Variants in BBIP1 observed in about 807,000 individuals in gnomAD.
BBIP1 encodes BBSome interacting protein 1.
A neutral mutation model predicts 8.9 loss-of-function variants in BBIP1; 6 were observed. The ratio of observed to expected loss-of-function variants is 0.67; its 90% CI spans 0.37 to 1.33. The LOEUF is 1.33. Among genes scored for constraint, BBIP1 ranks in the 40% most tolerant of loss-of-function variants. The pLI is 0.02. For synonymous variants in BBIP1, 32 were observed against 33.4 expected (o/e 0.96, Z 0.14); for missense variants, 111 against 109.2 (o/e 1.02, Z -0.07).
chr10:110,912,771 G>A (rs1293409865), intron 2 of BBIP1, among the ~76,000 whole-genome samples: 14 of 152,006 alleles, frequency 9.2e-5, no homozygotes, highest in South Asian at 2.1e-4. Context: ...CCAAGGAGCC[G>A]TTCCATGGGT....
intron 2 of BBIP1, among the ~76,000 whole-genome samples, chr10:110,917,398 A>G (rs1846435519): frequency 6.6e-6 from 1 of 152,132 alleles, no homozygotes; most frequent in Non-Finnish European, 1.5e-5. Flanking sequence ...GCCTAACAAT[A>G]AGTGTCTGCA....
intron 2 of BBIP1, among the ~76,000 whole-genome samples, chr10:110,913,740 T>C (rs1347773554): frequency 1.3e-5 from 2 of 152,178 alleles, no homozygotes; most frequent in African/African-American, 2.4e-5. Context: ...GCAGTTGACA[T>C]ATGGCAAAAA....
intron 2 of BBIP1, chr10:110,902,554 A>C (rs573521666): frequency 6.6e-6 from 1 of 152,222 alleles, no homozygotes; most frequent in East Asian, 1.9e-4. Flanking sequence ...CAACCACTGC[A>C]AATTAATTAT....
At position 110,899,576 on chromosome 10, in the gene BBIP1, T is replaced by A. The variant is rs974284621; in HGVS notation, c.*784A>T. Reference sequence around the variant, plus strand: ...ACTTTGGGAGGCCGAGGTGGGCGGATCACTTGAGGTTGGGAGTTCATGACC... The same window carrying A: ...ACTTTGGGAGGCCGAGGTGGGCGGAACACTTGAGGTTGGGAGTTCATGACC... On this transcript the variant is annotated 3_prime_UTR_variant, in exon 4 of 4. Coordinates refer to ENST00000448814, the MANE Select transcript of BBIP1 (RefSeq NM_001195305.3). The A allele has an allele frequency of 1.3e-5, 2 of 152,284 alleles. No homozygotes were observed. Among genetic ancestry groups the A allele is most frequent in the Admixed American group, 6.5e-5 (1 of 15,278 alleles). 9.4% of individuals were successfully genotyped at this position (152,284 alleles called of 1,614,324 possible). A position where few individuals can be genotyped will look rare whatever the true frequency, so the allele number is the denominator to read the frequency against.
chr10:110,915,102 A>G (rs1846369197), intron 2 of BBIP1, among the ~76,000 whole-genome samples: 1 of 152,248 alleles, frequency 6.6e-6, no homozygotes, highest in Non-Finnish European at 1.5e-5. Flanking sequence ...ATTATTAAAA[A>G]TACAGATTTT....
At chr10:110,908,069 A>G (rs1846188548) in intron 2 of BBIP1, 1 of 276,128 alleles carries the variant, frequency 3.6e-6, no homozygotes, top group East Asian at 6.3e-5. Flanking sequence ...GTAAGATGCT[A>G]TATCTTAAGC....
intron 2 of BBIP1, among the ~76,000 whole-genome samples, chr10:110,914,041 C>A (rs1374216647): frequency 6.6e-6 from 1 of 152,212 alleles, no homozygotes. Context: ...TAAGCACATG[C>A]TCTGGAATTC....
chr10:110,903,363 T>A (rs2134021850), intron 2 of BBIP1: 1 of 152,382 alleles, frequency 6.6e-6, no homozygotes, highest in East Asian at 1.9e-4. Context: ...AAGCTGCCAT[T>A]GTTACTGTAA....
At chr10:110,918,260 A>G (rs2134053694) in intron 1 of BBIP1, 47 bp from the exon 2 acceptor site, 1 of 1,005,568 alleles carries the variant, frequency 9.9e-7, no homozygotes, top group Admixed American at 2.4e-5. Flanking sequence ...TATAAAAGCA[A>G]TACAGTATTT....
rs1845942096 is a variant in BBIP1 at position 110,899,848 on chromosome 10, C to G, written c.*512G>C. On this transcript the variant is annotated 3_prime_UTR_variant, in exon 4 of 4. Transcript: ENST00000448814. ...ACAGTTTTGTCATTACTGGTGGGAT[C>G]TGGTCACACAAGATAGCATTAAACG... The G allele has an allele frequency of 6.6e-6, 1 of 151,404 alleles. No individual in the cohort carries two copies. The highest frequency in any genetic ancestry group is 2.1e-4 in the South Asian group (1 of 4,814). 9.4% of individuals were successfully genotyped at this position (151,404 alleles called of 1,614,324 possible).
chr10:110,905,604 T>C (rs1185702091), intron 2 of BBIP1, among the ~76,000 whole-genome samples: 2 of 151,672 alleles, frequency 1.3e-5, no homozygotes, highest in African/African-American at 4.9e-5. Context: ...TGTGATTTAG[T>C]TGGATAACCA....
rs971560206 is a variant in BBIP1, at chr10:110,918,276, A to T, written c.-56-63T>A. ...ATAAAAGCAATACAGTATTTTCAAA[A>T]ATCTTCAACACGTTGTTTAAGAAAC... On this transcript the variant is annotated intron_variant, in intron 1 of 3. Coordinates refer to ENST00000448814, the MANE Select transcript of BBIP1 (RefSeq NM_001195305.3). 4 of 815,328 alleles carry T rather than the reference A, an allele frequency of 4.9e-6. No individual in the cohort carries two copies. The African/African-American group carries it at 7.0e-5, about 14-fold the overall frequency. The allele number at this position is 815,328 out of a possible 1,614,324, so 50.5% of individuals were successfully genotyped here. A position where few individuals can be genotyped will look rare whatever the true frequency, so the allele number is the denominator to read the frequency against.
chr10:110,912,520 T>C (rs1846303132), intron 2 of BBIP1, among the ~76,000 whole-genome samples: 1 of 152,170 alleles, frequency 6.6e-6, no homozygotes, highest in Non-Finnish European at 1.5e-5. Flanking sequence ...CTGGAAAATG[T>C]AAGCTGTGGT....
At chr10:110,912,870 A>C (rs1846312413) in intron 2 of BBIP1, among the ~76,000 whole-genome samples, 1 of 152,120 alleles carries the variant, frequency 6.6e-6, no homozygotes, top group Admixed American at 6.5e-5. Context: ...CTATTAATGT[A>C]TCTAAACTTA....
intron 2 of BBIP1, among the ~76,000 whole-genome samples, chr10:110,914,268 T>C (rs758584077): frequency 1.3e-5 from 2 of 152,198 alleles, no homozygotes; most frequent in Non-Finnish European, 2.9e-5. Flanking sequence ...AAGAGTATTT[T>C]TCTTCTATGA....
intron 2 of BBIP1, among the ~76,000 whole-genome samples, chr10:110,916,499 A>G (rs1846406521): frequency 6.6e-6 from 1 of 152,204 alleles, no homozygotes; most frequent in African/African-American, 2.4e-5. Context: ...GCTCTGCTTA[A>G]TGCTACCAAA....
intron 3 of BBIP1, 27 bp downstream of exon 3, chr10:110,901,511 T>G: frequency 6.7e-7 from 1 of 1,485,798 alleles, no homozygotes; most frequent in Non-Finnish European, 9.1e-7. Context: ...TAATAATCAA[T>G]GACCTCAATA....
intron 2 of BBIP1, among the ~76,000 whole-genome samples, chr10:110,915,086 T>C (rs1453703155): frequency 6.6e-6 from 1 of 152,222 alleles, no homozygotes; most frequent in African/African-American, 2.4e-5. Context: ...CAAAACTCCC[T>C]GTACAATTAT....
At position 110,899,232 on chromosome 10, in the gene BBIP1, AATTAT is replaced by A. The variant is rs1845911482; in HGVS notation, c.*1123_*1127del. 2 of 152,204 alleles carry A rather than the reference AATTAT, an allele frequency of 1.3e-5. No individual in the cohort carries two copies. The highest frequency in any genetic ancestry group is 6.5e-5 in the Admixed American group (1 of 15,284). The allele number at this position is 152,204 out of a possible 1,614,324, so 9.4% of individuals were successfully genotyped here. On this transcript the variant is annotated 3_prime_UTR_variant, in exon 4 of 4. Coordinates refer to ENST00000448814, the MANE Select transcript of BBIP1 (RefSeq NM_001195305.3). ...CCAAATATTGACTGCAGCAAACAAG[AATTAT>A]ATTCAGAATTTATGAGGGTACTGTT...
Sources: allele counts gnomAD v4.1 joint callset (sites outside exome capture counted in the v4.1 genomes callset), GRCh38; gene constraint gnomAD v4.1.1; transcripts MANE v1.5; gene names NCBI Gene and HGNC (gene_info 2026-07-23, HGNC 2026-07-21).